The following WDR59 variants were observed in gnomAD, a reference collection of about 807,000 sequenced individuals.
The protein encoded by WDR59 is WD repeat domain 59.
In WDR59, 100 loss-of-function variants were observed where a neutral mutation model predicts 131.2. The ratio of observed to expected loss-of-function variants is 0.76; its 90% CI spans 0.65 to 0.90. The LOEUF (loss-of-function observed/expected upper bound fraction) is 0.90. WDR59 is among the 40% of genes least tolerant of loss of function. WDR59 has a pLI of 0.00. For missense variants in WDR59, 1,203 were observed against 1,262.2 expected (o/e 0.95, Z 0.71); for synonymous variants, 601 against 466.2 (o/e 1.29, Z -3.72).
chr16:74,940,459 A>G (rs1231854051), intron 7 of WDR59, among the ~76,000 whole-genome samples: 2 of 152,156 alleles, frequency 1.3e-5, no homozygotes, highest in African/African-American at 4.8e-5. Context: ...ATATTAATCA[A>G]TAAATGTAAA....
intron 24 of WDR59, 30 bp downstream of exon 24, chr16:74,886,240 A>G (rs753296984): frequency 4.4e-6 from 7 of 1,585,634 alleles, no homozygotes; most frequent in South Asian, 1.1e-5. Flanking sequence ...GAGTCCTGGC[A>G]TTGCAGCTCT....
At chr16:74,960,994 C>T (rs563930594) in intron 2 of WDR59, among the ~76,000 whole-genome samples, 1 of 152,034 alleles carries the variant, frequency 6.6e-6, no homozygotes, top group East Asian at 1.9e-4. Flanking sequence ...CAATTTACTA[C>T]ACATATTGTA....
chr16:74,918,127 A>C, intron 10 of WDR59, 119 bp from the exon 11 acceptor site: 52 of 910,662 alleles, frequency 5.7e-5, no homozygotes, highest in Non-Finnish European at 7.2e-5. Flanking sequence ...AACATTTCTC[A>C]TATGCCAGGC....
chr16:74,911,263 G>A (rs183046357), intron 14 of WDR59, among the ~76,000 whole-genome samples: 13 of 152,212 alleles, frequency 8.5e-5, no homozygotes, highest in Non-Finnish European at 1.5e-4. Context: ...ACTAGGCAAC[G>A]GCATATTCAG....
At chr16:74,966,655 G>C (rs2033789456) in intron 1 of WDR59, among the ~76,000 whole-genome samples, 1 of 152,020 alleles carries the variant, frequency 6.6e-6, no homozygotes, top group African/African-American at 2.4e-5. Context: ...TTTCCAAAGG[G>C]CATGGACTTC....
intron 8 of WDR59, among the ~76,000 whole-genome samples, chr16:74,934,865 A>AG (rs1445732364): frequency 6.6e-6 from 1 of 152,088 alleles, no homozygotes; most frequent in East Asian, 1.9e-4. Context: ...CTTGGTCAAA[A>AG]AAGAACCAGG....
At chr16:74,914,566 G>A (rs1472815166) in intron 13 of WDR59, among the ~76,000 whole-genome samples, 1 of 150,502 alleles carries the variant, frequency 6.6e-6, no homozygotes, top group East Asian at 2.0e-4. Flanking sequence ...CAGCTGTAAA[G>A]TGAGGCTAAA....
intron 18 of WDR59, among the ~76,000 whole-genome samples, chr16:74,900,713 G>A (rs1457248921): frequency 1.3e-5 from 2 of 152,102 alleles, no homozygotes; most frequent in Non-Finnish European, 2.9e-5. Flanking sequence ...AGAATATTTG[G>A]GTGAACATAA....
intron 7 of WDR59, among the ~76,000 whole-genome samples, chr16:74,941,355 AG>A (rs2032208252): frequency 1.3e-5 from 2 of 149,494 alleles, no homozygotes; most frequent in African/African-American, 4.9e-5. Flanking sequence ...AAAAAAAAAA[AG>A]AAGGGGAAAA....
Position 74,956,406 on chromosome 16 carries a change from G to A in WDR59, c.240+69C>T, listed in dbSNP as rs2033291147. 2.5e-6 allele frequency: 4 copies of A among 1,571,592 alleles called. No individual in the cohort carries two copies. The Admixed American group carries it at 5.3e-5, about 21-fold the overall frequency. ...AGGACTGCATTCTCTTCTCTACACA[G>A]GGCATAGATCTGCCAGCCCCAGATG... On this transcript the variant is annotated intron_variant, in intron 3 of 25. Transcript: ENST00000262144.
intron 3 of WDR59, among the ~76,000 whole-genome samples, chr16:74,955,193 C>T (rs879389641): frequency 2.6e-5 from 4 of 152,330 alleles, no homozygotes; most frequent in Admixed American, 1.3e-4. Context: ...ACAACTGAGG[C>T]GTCAGCCTAA....
chr16:74,875,515 ATT>A (rs1964171939), intron 25 of WDR59, among the ~76,000 whole-genome samples: 1 of 151,444 alleles, frequency 6.6e-6, no homozygotes, highest in African/African-American at 2.4e-5. Context: ...TTGGCTCTCA[ATT>A]TTCTCTCTAC....
At chr16:74,977,962 C>T (rs2034253889) in intron 1 of WDR59, among the ~76,000 whole-genome samples, 1 of 152,122 alleles carries the variant, frequency 6.6e-6, no homozygotes, top group Non-Finnish European at 1.5e-5. Context: ...AATCCCAAAA[C>T]TTTGGGAGGC....
chr16:74,971,869 C>T (rs1165250692), intron 1 of WDR59, among the ~76,000 whole-genome samples: 3 of 152,080 alleles, frequency 2.0e-5, no homozygotes, highest in African/African-American at 7.2e-5. Context: ...CCACCACACC[C>T]GGCTAATTTT....
intron 14 of WDR59, 96 bp from the exon 15 acceptor site, chr16:74,910,013 G>A: frequency 9.3e-7 from 1 of 1,073,126 alleles, no homozygotes; most frequent in Non-Finnish European, 1.3e-6. Flanking sequence ...TGTTGCCCAG[G>A]CTGGAGTGTA....
chr16:74,887,566 T>C, intron 23 of WDR59, 117 bp downstream of exon 23: 1 of 985,550 alleles, frequency 1.0e-6, no homozygotes, highest in Non-Finnish European at 1.5e-6. Flanking sequence ...ACAGTAAATG[T>C]AAAGAGAAAT....
chr16:74,965,111 C>T (rs995969712), intron 2 of WDR59, among the ~76,000 whole-genome samples: 1 of 152,048 alleles, frequency 6.6e-6, no homozygotes, highest in Non-Finnish European at 1.5e-5. Flanking sequence ...TGCTATGTTG[C>T]CCAGGCTGGT....
At chr16:74,877,265 G>A (rs1407652289) in intron 25 of WDR59, among the ~76,000 whole-genome samples, 3 of 151,904 alleles carry the variant, frequency 2.0e-5, no homozygotes, top group African/African-American at 7.3e-5. Context: ...AACACACAAA[G>A]GTATCTTAAC....
chr16:74,936,989 T>C (rs2031851778), intron 8 of WDR59, among the ~76,000 whole-genome samples: 1 of 152,176 alleles, frequency 6.6e-6, no homozygotes, highest in South Asian at 2.1e-4. Flanking sequence ...GTTTTGCTAA[T>C]CATACCACAA....
Sources: gnomAD v4.1 joint callset for allele counts (sites outside exome capture counted in the v4.1 genomes callset) on GRCh38, gnomAD v4.1.1 for gene constraint, MANE v1.5 for transcripts, NCBI Gene and HGNC (gene_info 2026-07-23, HGNC 2026-07-21) for gene names.